The following DLGAP3 variants were observed in gnomAD, a reference collection of about 807,000 sequenced individuals.
The protein encoded by DLGAP3 is disks large-associated protein 3.
A neutral mutation model predicts 81.2 loss-of-function variants in DLGAP3; 17 were observed. The observed-to-expected ratio is 0.21, with a 90% CI of 0.14 to 0.31. DLGAP3 has a LOEUF of 0.31. DLGAP3 is among the 10% of genes least tolerant of loss of function. DLGAP3 has a pLI of 1.00. For synonymous variants in DLGAP3, 577 were observed against 587.4 expected, an observed-to-expected ratio of 0.98 and a Z score of 0.26; for missense variants, 1,124 against 1,388.0, an observed-to-expected ratio of 0.81 and a Z score of 3.02.
rs565922760 is a variant in DLGAP3, at chr1:34,895,159, A to G, written c.1386+4510T>C. Among the ~76,000 whole-genome samples the G allele has an allele frequency of 1.3e-5, 2 of 152,312 alleles. No individual in the cohort carries two copies. The highest frequency in any genetic ancestry group is 4.1e-4 in the South Asian group (2 of 4,822). The stretch of plus-strand genomic sequence containing the variant: ...AAGGCAGGCGGATGACGAGGTCAGG[A>G]GATCGAGACGATCCTGGCTAACACG... On this transcript the variant is annotated intron_variant, in intron 5 of 11. Transcript: ENST00000373347. The surrounding 1 kb of genome is among the most constrained non-coding windows in gnomAD (Gnocchi z 4.5).
intron 8 of DLGAP3, among the ~76,000 whole-genome samples, chr1:34,879,598 A>G (rs145351663): frequency 7.6e-4 from 116 of 152,346 alleles, no homozygotes; most frequent in African/African-American, 2.7e-3. Flanking sequence ...AATAAATATA[A>G]TAGGTACATA....
chr1:34,885,431 C>T (rs1416878289), intron 7 of DLGAP3, 47 bp downstream of exon 7: 1 of 1,593,884 alleles, frequency 6.3e-7, no homozygotes, highest in Non-Finnish European at 8.5e-7. Context: ...ACCCCAGCCC[C>T]GACCGACCAG....
chr1:34,919,107 G>C (rs935271932), intron 1 of DLGAP3, among the ~76,000 whole-genome samples: 1 of 152,160 alleles, frequency 6.6e-6, no homozygotes, highest in African/African-American at 2.4e-5. Flanking sequence ...TGGGAGGGGA[G>C]CGGCTGCAGC....
intron 8 of DLGAP3, among the ~76,000 whole-genome samples, chr1:34,877,306 T>C (rs985344813): frequency 6.6e-6 from 1 of 152,182 alleles, no homozygotes; most frequent in Non-Finnish European, 1.5e-5. Flanking sequence ...ATGCCAGGGA[T>C]GCAGGAATGT....
At chr1:34,912,148 A>C (rs145304825) in intron 1 of DLGAP3, among the ~76,000 whole-genome samples, 40 of 152,364 alleles carry the variant, frequency 2.6e-4, no homozygotes, top group African/African-American at 9.4e-4. Flanking sequence ...AAAGCATATA[A>C]ATCCCTTAGA....
chr1:34,876,153 C>T (rs950893004), intron 8 of DLGAP3, among the ~76,000 whole-genome samples: 2 of 151,796 alleles, frequency 1.3e-5, no homozygotes, highest in Admixed American at 6.6e-5. Flanking sequence ...TGAATCTTGG[C>T]GGGGGGGTGG....
intron 1 of DLGAP3, among the ~76,000 whole-genome samples, chr1:34,922,447 G>A (rs1259558258): frequency 6.6e-6 from 1 of 151,850 alleles, no homozygotes; most frequent in African/African-American, 2.4e-5. Flanking sequence ...TGGTTGATAC[G>A]GTACGTATAT....
rs1259792464 is a variant in DLGAP3 at position 34,905,155 on chromosome 1, G to A, written c.229C>T (p.Pro77Ser). The change falls in exon 3 of 12, where the codon CCA becomes TCA. Residue 77 changes from proline to serine, a missense_variant. This residue lies in a region of DLGAP3 where 167 missense variants were observed against 172.1 expected (regional missense o/e 0.97). Transcript: ENST00000373347. Reference protein sequence around the residue: ...EGPSVGPEGGPAGAGVGGGSS... With the variant: ...EGPSVGPEGGSAGAGVGGGSS... ...CCCCCCCCAACCCCGGCCCCCGCTGGCCCTCCCTCAGGGCCTACCGACGGC... is the reference window on the plus strand; with the variant it reads ...CCCCCCCCAACCCCGGCCCCCGCTGACCCTCCCTCAGGGCCTACCGACGGC... 2 of 1,571,208 alleles carry A rather than the reference G, an allele frequency of 1.3e-6. No homozygotes were observed. The highest frequency in any genetic ancestry group is 1.7e-6 in the Non-Finnish European group (2 of 1,157,976).
intron 1 of DLGAP3, among the ~76,000 whole-genome samples, chr1:34,912,292 C>G (rs1219805845): frequency 6.6e-6 from 1 of 152,190 alleles, no homozygotes. Flanking sequence ...AAGACACTCA[C>G]CTGGGGAAAA....
At chr1:34,901,516 T>C (rs1363152500) in intron 3 of DLGAP3, among the ~76,000 whole-genome samples, 2 of 152,210 alleles carry the variant, frequency 1.3e-5, no homozygotes, top group Non-Finnish European at 2.9e-5. Flanking sequence ...GCAAAACAGA[T>C]TAACCTCTAA....
At chr1:34,886,943 CTTTTTTTTTTTTTTTTTT>C (rs949966445) in intron 5 of DLGAP3, among the ~76,000 whole-genome samples, 1 of 64,300 alleles carries the variant, frequency 1.6e-5, no homozygotes, top group African/African-American at 6.0e-5. Context: ...CCCCCACCTT[CTTTTTTTTTTTTTTTTTT>C]TTTTTTTTTT....
rs1639209108 is a variant in DLGAP3, at chr1:34,885,609, G to A, written c.1783C>T (p.Leu595=). 2 of 1,580,540 alleles carry A rather than the reference G, an allele frequency of 1.3e-6. No homozygotes were observed. The highest frequency in any genetic ancestry group is 2.7e-5 in the African/African-American group (2 of 74,646). Residue 595 remains leucine, a synonymous_variant, in exon 7 of 12, where the codon CTG becomes TTG. Coordinates refer to ENST00000373347, the MANE Select transcript of DLGAP3 (RefSeq NM_001080418.3). ...CGGGGCGGCACCGGCGCCAACTCCA[G>A]TGTGCGCGCACCCATGGCGGGGCCG... ...LDGPAMGART[L]ELAPVPPRAS...
chr1:34,926,352 C>T (rs1035174406), intron 1 of DLGAP3, among the ~76,000 whole-genome samples: 2 of 152,178 alleles, frequency 1.3e-5, no homozygotes, highest in African/African-American at 4.8e-5. Context: ...GCTGGCACCT[C>T]GTTACCATAA....
chr1:34,885,819 T>A, intron 6 of DLGAP3, 28 bp from the exon 7 acceptor site: 1 of 1,389,218 alleles, frequency 7.2e-7, no homozygotes, highest in Non-Finnish European at 9.4e-7. Context: ...AGAGACGCAG[T>A]GGGTGAGGCT....
chr1:34,886,797 A>G (rs1034123083), intron 5 of DLGAP3, among the ~76,000 whole-genome samples: 2 of 151,036 alleles, frequency 1.3e-5, no homozygotes, highest in Admixed American at 6.6e-5. Flanking sequence ...CATGTACTAT[A>G]TATATACTAC....
rs762407173 is a variant in DLGAP3, at chr1:34,905,208, G to A, written c.176C>T (p.Pro59Leu). ...CTCACTCAGGCTCAGGGGCCCTTCA[G>A]GAGAAATGTGTCCCAGGCCAGCTCT... is the stretch of plus-strand genomic sequence containing the variant. ...APRAGLGHIS[P>L]EGPLSLSEGP... The change falls in exon 3 of 12, where the codon CCT becomes CTT. Residue 59 changes from proline to leucine, a missense_variant. Physicochemically the swap from Pro to Leu is moderately conservative, Grantham distance 98 (BLOSUM62 -3). Around this residue, in one of 9 missense-constraint regions of DLGAP3, gnomAD observed 167 missense variants for 172.1 expected, o/e 0.97. Transcript: ENST00000373347. The A allele has an allele frequency of 2.5e-6, 4 of 1,593,796 alleles. No homozygotes were observed. The highest frequency in any genetic ancestry group is 1.7e-6 in the Non-Finnish European group (2 of 1,170,660).
At chr1:34,928,132 T>C (rs1473170030) in intron 1 of DLGAP3, among the ~76,000 whole-genome samples, 1 of 152,158 alleles carries the variant, frequency 6.6e-6, no homozygotes, top group Non-Finnish European at 1.5e-5. Context: ...AGCCCTGAAC[T>C]AATATGAGGG....
Position 34,868,952 on chromosome 1 carries a change from G to A in DLGAP3, c.2138C>T (p.Ala713Val), listed in dbSNP as rs756086794. 6 of 1,609,994 alleles carry A rather than the reference G, an allele frequency of 3.7e-6. No individual in the cohort carries two copies. Among genetic ancestry groups the A allele is most frequent in the Non-Finnish European group, 1.7e-6 (2 of 1,179,878 alleles). Residue 713 changes from alanine (A) to valine (V), a missense_variant, in exon 9 of 12, where the codon GCC becomes GTC. This residue lies in a region of DLGAP3 where 379 missense variants were observed against 455.7 expected (regional missense o/e 0.83). Coordinates refer to ENST00000373347, the MANE Select transcript of DLGAP3 (RefSeq NM_001080418.3). This position sits in a 1 kb window ranked among gnomAD's most constrained non-coding sequence, Gnocchi z 7.5. Reference sequence around the variant, plus strand: ...CCGGGGCCCAGGCTGGGGCTCAGAGGCGTGCCTCTGGAAGGAGCGTCCAAA... The same window carrying A: ...CCGGGGCCCAGGCTGGGGCTCAGAGACGTGCCTCTGGAAGGAGCGTCCAAA... ...LQFGRSFQRH[A>V]SEPQPGPRAP...
At chr1:34,892,432 G>C (rs1213237268) in intron 5 of DLGAP3, among the ~76,000 whole-genome samples, 1 of 152,130 alleles carries the variant, frequency 6.6e-6, no homozygotes, top group African/African-American at 2.4e-5. Context: ...GGAAAAGGAA[G>C]AGATAGGGCA....
Sources: gnomAD v4.1 joint callset for allele counts (sites outside exome capture counted in the v4.1 genomes callset) on GRCh38, gnomAD v4.1.1 for gene constraint, gnomAD v4.1.1 regional missense constraint, Gnocchi (gnomAD v3.1) non-coding constraint, MANE v1.5 for transcripts, NCBI Gene and HGNC (gene_info 2026-07-23, HGNC 2026-07-21) for gene names.